Variants in SEMA4A observed in about 807,000 individuals in gnomAD.
The protein encoded by SEMA4A is semaphorin 4A.
Under a neutral mutation model 72.5 loss-of-function variants are expected in SEMA4A, and 52 were observed. The observed-to-expected ratio is 0.72, with a 90% CI of 0.57 to 0.90. The LOEUF is 0.90. SEMA4A is among the 40% of genes least tolerant of loss of function. The pLI, the probability that SEMA4A is intolerant of heterozygous loss-of-function variation, is 0.00. For missense variants in SEMA4A, 926 were observed against 959.7 expected, an observed-to-expected ratio of 0.96 and a Z score of 0.46; for synonymous variants, 369 against 393.1, an observed-to-expected ratio of 0.94 and a Z score of 0.73.
chr1:156,169,493 C>T (rs1325315310), intron 10 of SEMA4A, among the ~76,000 whole-genome samples: 3 of 143,572 alleles, frequency 2.1e-5, no homozygotes, highest in Non-Finnish European at 4.5e-5. Flanking sequence ...GATCTCGGCT[C>T]ACTGCAAGCT....
chr1:156,177,333 C>CT lies in SEMA4A; in HGVS notation c.*337dup. On this transcript the variant is annotated 3_prime_UTR_variant, in exon 15 of 15. Transcript: ENST00000368285. ...CAGAAACACAGTGTTTCAAGAGACC[C>CT]TAAAAAACCTGCCTGTCCCAGGACC... 1 of 418,424 alleles carries CT rather than the reference C, an allele frequency of 2.4e-6. No homozygotes were observed. Among genetic ancestry groups the CT allele is most frequent in the Non-Finnish European group, 4.5e-6 (1 of 223,292 alleles). 25.9% of individuals were successfully genotyped at this position (418,424 alleles called of 1,614,324 possible).
chr1:156,165,304 C>T (rs185183343), intron 10 of SEMA4A, among the ~76,000 whole-genome samples: 5 of 152,276 alleles, frequency 3.3e-5, no homozygotes, highest in Admixed American at 6.5e-5. Context: ...ATTCCCTTTG[C>T]CTCTTTCCTG....
chr1:156,150,637 G>A (rs1048181649), upstream of SEMA4A, among the ~76,000 whole-genome samples: 10 of 152,104 alleles, frequency 6.6e-5, no homozygotes, highest in South Asian at 2.1e-4. Context: ...TGCAGCATCC[G>A]TGTTCTGCAG....
chr1:156,161,222 GGT>G (rs1653603523), intron 8 of SEMA4A, 122 bp from the exon 9 acceptor site: 3 of 645,564 alleles, frequency 4.6e-6, no homozygotes, highest in African/African-American at 2.4e-5. Flanking sequence ...GAGGGGGCGG[GGT>G]GGGGACACGC....
intron 10 of SEMA4A, among the ~76,000 whole-genome samples, chr1:156,168,366 C>T (rs548168460): frequency 2.6e-5 from 4 of 151,948 alleles, no homozygotes; most frequent in Non-Finnish European, 4.4e-5. Flanking sequence ...GGATTATAGG[C>T]GCCCACCACC....
chr1:156,175,047 G>A, intron 12 of SEMA4A, 39 bp from the exon 13 acceptor site: 2 of 1,614,204 alleles, frequency 1.2e-6, no homozygotes, highest in South Asian at 1.1e-5. Context: ...TTTACTAGAT[G>A]TGGCTGGGGC....
rs116602291 is a variant in SEMA4A at position 156,157,124 on chromosome 1, A to G, written c.300+550A>G. Among the ~76,000 whole-genome samples the G allele has an allele frequency of 0.018, 2,753 of 152,254 alleles. 84 individuals are homozygous for G. The highest frequency in any genetic ancestry group is 0.064 in the African/African-American group (2,670 of 41,516). On this transcript the variant is annotated intron_variant, in intron 3 of 14. Transcript: ENST00000368285. The surrounding 1 kb of genome is among the most constrained non-coding windows in gnomAD (Gnocchi z 4.5). ...ATGGAAATCATTGACATATGAGATA[A>G]ACACTGACTCAAATTATATCAATAA... is the stretch of plus-strand genomic sequence containing the variant.
chr1:156,176,842 C>T lies in SEMA4A; in HGVS notation c.2131C>T (p.Arg711Trp), dbSNP rs762468169. ...ILVASPLRAL[R>W]ARGKVQGCET... is the part of the protein sequence containing the mutation. ...CGTGGCCTCCCCATTGAGAGCACTCCGGGCTCGGGGCAAGGTTCAGGGCTG... is the reference window on the plus strand; with the variant it reads ...CGTGGCCTCCCCATTGAGAGCACTCTGGGCTCGGGGCAAGGTTCAGGGCTG... The change falls in exon 15 of 15, where the codon CGG becomes TGG. Residue 711 changes from arginine (R) to tryptophan (W), a missense_variant. By Grantham distance (101) the Arg-to-Trp change is moderately radical. Coordinates refer to ENST00000368285, the MANE Select transcript of SEMA4A (RefSeq NM_022367.4). 45 of 1,614,100 alleles carry T rather than the reference C, an allele frequency of 2.8e-5. No homozygotes were observed. The highest frequency in any genetic ancestry group is 5.0e-5 in the Admixed American group (3 of 60,004).
intron 10 of SEMA4A, among the ~76,000 whole-genome samples, chr1:156,165,542 C>T (rs2102976495): frequency 6.6e-6 from 1 of 152,276 alleles, no homozygotes; most frequent in South Asian, 2.1e-4. Flanking sequence ...TTCCTTCAAA[C>T]TTTGAAGGCC....
chr1:156,168,561 T>C (rs1654404205), intron 10 of SEMA4A, among the ~76,000 whole-genome samples: 1 of 152,144 alleles, frequency 6.6e-6, no homozygotes, highest in South Asian at 2.1e-4. Context: ...TCTTCTTTTT[T>C]TTTTCCCCTA....
chr1:156,156,624 G>T (rs751247768), intron 3 of SEMA4A, 50 bp downstream of exon 3: 2 of 1,598,714 alleles, frequency 1.3e-6, no homozygotes, highest in African/African-American at 2.7e-5. Flanking sequence ...AGAGGGGGCC[G>T]GCAGCTACCC....
At position 156,154,650 on chromosome 1, in the gene SEMA4A, G is replaced by A. The variant is rs554494506; in HGVS notation, c.72G>A (p.Leu24=). Reference sequence around the variant, plus strand: ...TTTTCCTCTTCCAACTGCTTCAGCTGCTGCTGCCGACGACGACCGCGGGGG... The same window carrying A: ...TTTTCCTCTTCCAACTGCTTCAGCTACTGCTGCCGACGACGACCGCGGGGG... ...LGLFLFQLLQ[L]LLPTTTAGGG... The change falls in exon 2 of 15, where the codon CTG becomes CTA. Residue 24 remains leucine (L), a synonymous_variant. Transcript: ENST00000368285. 6.2e-7 allele frequency: 1 copy of A among 1,607,780 alleles called. No homozygotes were observed. The highest frequency in any genetic ancestry group is 1.1e-5 in the South Asian group (1 of 89,732).
At position 156,176,861 on chromosome 1, in the gene SEMA4A, AG is replaced by A. The variant is rs754462146; in HGVS notation, c.2153del (p.Gly718AlafsTer13). 6.2e-7 allele frequency: 1 copy of A among 1,614,236 alleles called. No homozygotes were observed. Among genetic ancestry groups the A allele is most frequent in the Non-Finnish European group, 8.5e-7 (1 of 1,180,020 alleles). On this transcript the variant is annotated frameshift_variant, in exon 15 of 15. Coordinates refer to ENST00000368285, the MANE Select transcript of SEMA4A (RefSeq NM_022367.4). LOFTEE classifies it low-confidence loss of function (END_TRUNC). ...GCACTCCGGGCTCGGGGCAAGGTTC[AG>A]GGCTGTGAGACCCTGCGCCCTGGGG... ...LRALRARGKV[Q>X]GCETLRPGEK...
At chr1:156,159,477 A>G (rs1016411585) in intron 6 of SEMA4A, among the ~76,000 whole-genome samples, 4 of 152,198 alleles carry the variant, frequency 2.6e-5, no homozygotes, top group African/African-American at 7.2e-5. Flanking sequence ...AGAAAGATGC[A>G]TGTGGAGAGA....
Position 156,160,489 on chromosome 1 carries a change from GC to G in SEMA4A, c.618del (p.Ile207SerfsTer2), listed in dbSNP as rs1653485571. ...CTATGAACAACTTCCTGGGCAGTGAGCCCATCCTGATGCGCACACTGGGATC... is the reference window on the plus strand; with the variant it reads ...CTATGAACAACTTCCTGGGCAGTGAGCCATCCTGATGCGCACACTGGGATC... ...GTMNNFLGSE[P>X]ILMRTLGSQP... is the part of the protein sequence containing the mutation. On this transcript the variant is annotated frameshift_variant, in exon 7 of 15. Transcript: ENST00000368285. LOFTEE classifies it high-confidence loss of function. The G allele has an allele frequency of 3.7e-6, 6 of 1,614,066 alleles. No individual in the cohort carries two copies. The highest frequency in any genetic ancestry group is 5.1e-6 in the Non-Finnish European group (6 of 1,179,998).
chr1:156,159,425 C>T (rs1653368102), intron 6 of SEMA4A, among the ~76,000 whole-genome samples: 1 of 152,076 alleles, frequency 6.6e-6, no homozygotes, highest in Non-Finnish European at 1.5e-5. Flanking sequence ...ATTAAGCACC[C>T]CAACCACCAG....
intron 10 of SEMA4A, among the ~76,000 whole-genome samples, chr1:156,166,907 T>A (rs1438694638): frequency 6.7e-6 from 1 of 150,298 alleles, no homozygotes; most frequent in Non-Finnish European, 1.5e-5. Flanking sequence ...CCAGCCTGGA[T>A]GACAGAGCAA....
intron 10 of SEMA4A, 112 bp downstream of exon 10, chr1:156,163,206 C>A: frequency 2.4e-6 from 3 of 1,229,778 alleles, no homozygotes; most frequent in Admixed American, 1.9e-5. Flanking sequence ...TCCACCCCAC[C>A]AATCTCGCCT....
chr1:156,163,289 G>T (rs923026497), intron 10 of SEMA4A, 195 bp downstream of exon 10: 14 of 628,304 alleles, frequency 2.2e-5, no homozygotes, highest in Non-Finnish European at 3.1e-5. Context: ...CGGAGCAGTT[G>T]CTGGAGCCAT....
Sources: gnomAD v4.1 joint callset for allele counts (sites outside exome capture counted in the v4.1 genomes callset) on GRCh38, gnomAD v4.1.1 for gene constraint, Gnocchi (gnomAD v3.1) non-coding constraint, MANE v1.5 for transcripts, NCBI Gene and HGNC (gene_info 2026-07-23, HGNC 2026-07-21) for gene names.